Variants in PRPF18 observed in about 807,000 individuals in gnomAD.
PRPF18 encodes the protein pre-mRNA-splicing factor 18.
In PRPF18, 38 loss-of-function variants were observed where a neutral mutation model predicts 46.5. That is an observed-to-expected ratio of 0.82 (90% confidence interval 0.63 to 1.07). The LOEUF (loss-of-function observed/expected upper bound fraction) is 1.07, where lower values mean the gene tolerates loss of function less well. Among genes scored for constraint, PRPF18 ranks in the 50% least tolerant of loss-of-function variants. PRPF18 has a pLI of 0.00. For missense variants in PRPF18, 263 were observed against 410.0 expected, an observed-to-expected ratio of 0.64 and a Z score of 3.10; for synonymous variants, 152 against 146.7, an observed-to-expected ratio of 1.04 and a Z score of -0.26.
At position 13,630,691 on chromosome 10, in the gene PRPF18, CTTAA is replaced by C. The variant is rs1485966776; in HGVS notation, c.*355_*358del. ...TTAAAAAGAAACATTTGAGGATGGACTTAATTATTTCAGTAAAATATTATAATTT... is the reference window on the plus strand; with the variant it reads ...TTAAAAAGAAACATTTGAGGATGGACTTATTTCAGTAAAATATTATAATTT... On this transcript the variant is annotated 3_prime_UTR_variant, in exon 10 of 10. Transcript: ENST00000378572. 6.5e-6 allele frequency: 1 copy of C among 153,732 alleles called. No individual in the cohort carries two copies. The highest frequency in any genetic ancestry group is 1.4e-5 in the Non-Finnish European group (1 of 69,170). The allele number at this position is 153,732 out of a possible 1,614,324, so 9.5% of individuals were successfully genotyped here. A position where few individuals can be genotyped will look rare whatever the true frequency, so the allele number is the denominator to read the frequency against.
intron 3 of PRPF18, among the ~76,000 whole-genome samples, chr10:13,603,384 G>A (rs1280904569): frequency 3.3e-5 from 5 of 152,020 alleles, no homozygotes; most frequent in African/African-American, 1.2e-4. Flanking sequence ...AAGAAATTTC[G>A]AAGTCAGGTA....
the PRPF18 span, among the ~76,000 whole-genome samples, chr10:13,649,883 T>C: frequency 0.048 from 7,280 of 152,242 alleles, 491 homozygotes; most frequent in African/African-American, 0.14. Flanking sequence ...CCTAAAAACC[T>C]AAGTCAGTCA....
chr10:13,590,765 C>T (rs1280161174), intron 1 of PRPF18, among the ~76,000 whole-genome samples: 1 of 152,082 alleles, frequency 6.6e-6, no homozygotes, highest in African/African-American at 2.4e-5. Flanking sequence ...AGAGAAGTTA[C>T]ATGACTATAG....
the PRPF18 span, chr10:13,654,158 G>A: frequency 6.1e-4 from 340 of 555,436 alleles, 4 homozygotes; most frequent in South Asian, 1.5e-3. Context: ...GTCCCACTTC[G>A]TGCTTCCATC....
At chr10:13,597,775 G>A in intron 2 of PRPF18, 1 of 900,666 alleles carries the variant, frequency 1.1e-6, no homozygotes, top group Non-Finnish European at 1.6e-6. Flanking sequence ...ACGGCATGAA[G>A]TGGCTTGAGA....
chr10:13,632,996 ATAGTGCATTTCC>A, downstream of PRPF18, among the ~76,000 whole-genome samples: 1 of 152,330 alleles, frequency 6.6e-6, no homozygotes, highest in South Asian at 2.1e-4. Flanking sequence ...TCAGAAGTAA[ATAGTGCATTTCC>A]TAGGAGTGTC....
intron 4 of PRPF18, among the ~76,000 whole-genome samples, chr10:13,606,902 A>T (rs957667461): frequency 6.6e-6 from 1 of 152,212 alleles, no homozygotes. Flanking sequence ...GCTTAACTTC[A>T]TAAGAAATGC....
chr10:13,625,055 C>T (rs1564463366), intron 9 of PRPF18, among the ~76,000 whole-genome samples: 1 of 152,112 alleles, frequency 6.6e-6, no homozygotes, highest in Non-Finnish European at 1.5e-5. Context: ...CCTTAGAGGC[C>T]AAGCGTGGTG....
intron 1 of PRPF18, among the ~76,000 whole-genome samples, chr10:13,597,113 TAATG>T (rs1342802583): frequency 6.6e-6 from 1 of 152,234 alleles, no homozygotes; most frequent in Admixed American, 6.5e-5. Context: ...ATGTGTTTCA[TAATG>T]AATCCATTTG....
chr10:13,643,457 T>C, the PRPF18 span: 1 of 152,248 alleles, frequency 6.6e-6, no homozygotes, highest in South Asian at 2.1e-4. Context: ...GTAGCAGGAA[T>C]ACATAATTTA....
At chr10:13,612,419 G>A (rs918827876) in intron 6 of PRPF18, among the ~76,000 whole-genome samples, 25 of 151,576 alleles carry the variant, frequency 1.6e-4, no homozygotes, top group African/African-American at 6.1e-4. Context: ...CACCACACCC[G>A]ACTAGTTTTT....
intron 1 of PRPF18, chr10:13,591,741 G>A: frequency 1.6e-6 from 2 of 1,217,064 alleles, no homozygotes; most frequent in Non-Finnish European, 2.3e-6. Flanking sequence ...AGGTGGCAAT[G>A]ACAGATTTCT....
chr10:13,630,039 A>C (rs1480619317), intron 9 of PRPF18, among the ~76,000 whole-genome samples: 3 of 152,124 alleles, frequency 2.0e-5, no homozygotes, highest in Non-Finnish European at 4.4e-5. Flanking sequence ...GGTTGTTACC[A>C]GTTTTTTGGT....
chr10:13,600,626 T>C (rs557600199), intron 3 of PRPF18, among the ~76,000 whole-genome samples: 5 of 152,304 alleles, frequency 3.3e-5, no homozygotes, highest in African/African-American at 1.2e-4. Flanking sequence ...ATGCTAAATA[T>C]TTATACTTAA....
At chr10:13,612,169 T>A (rs936288803) in intron 6 of PRPF18, among the ~76,000 whole-genome samples, 2 of 151,842 alleles carry the variant, frequency 1.3e-5, no homozygotes, top group Non-Finnish European at 2.9e-5. Context: ...CATGAGCCAC[T>A]GCGACTGGTC....
intron 9 of PRPF18, among the ~76,000 whole-genome samples, chr10:13,620,892 C>A (rs2080411988): frequency 6.6e-6 from 1 of 152,150 alleles, no homozygotes; most frequent in Admixed American, 6.5e-5. Flanking sequence ...AGGGTTCTCT[C>A]CAGGCAGATC....
intron 1 of PRPF18, among the ~76,000 whole-genome samples, chr10:13,594,538 CT>C (rs1319003169): frequency 2.0e-5 from 3 of 152,128 alleles, no homozygotes; most frequent in Non-Finnish European, 4.4e-5. Flanking sequence ...TTGAATGGAT[CT>C]TTTTACCTAG....
At chr10:13,611,061 T>C (rs1406026210) in intron 5 of PRPF18, among the ~76,000 whole-genome samples, 1 of 152,230 alleles carries the variant, frequency 6.6e-6, no homozygotes, top group Non-Finnish European at 1.5e-5. Context: ...CTCTTGTATG[T>C]GTAGCTGTCC....
intron 2 of PRPF18, among the ~76,000 whole-genome samples, chr10:13,598,606 TTTTTAAAATATGGGAAAG>T (rs2080066355): frequency 1.3e-5 from 2 of 152,238 alleles, no homozygotes; most frequent in South Asian, 4.1e-4. Context: ...ATTTCTGATG[TTTTTAAAATATGGGAAAG>T]TTTAAACTTG....
Sources: allele counts gnomAD v4.1 joint callset (sites outside exome capture counted in the v4.1 genomes callset), GRCh38; gene constraint gnomAD v4.1.1; transcripts MANE v1.5; gene names NCBI Gene and HGNC (gene_info 2026-07-23, HGNC 2026-07-21).